The following ASXL2 variants were observed in gnomAD, a reference collection of about 807,000 sequenced individuals.
ASXL2 encodes putative Polycomb group protein ASXL2.
Under a neutral mutation model 122.0 loss-of-function variants are expected in ASXL2, and 23 were observed. That is an observed-to-expected ratio of 0.19 (90% CI 0.14 to 0.27). The LOEUF is 0.27. Ranked by LOEUF, ASXL2 falls within the 10% of genes least tolerant of loss-of-function variation. The pLI, the probability that ASXL2 is intolerant of heterozygous loss-of-function variation, is 1.00. For missense variants in ASXL2, 1,518 were observed against 1,713.8 expected (o/e 0.89, Z 2.02); for synonymous variants, 650 against 637.0 (o/e 1.02, Z -0.31).
intron 5 of ASXL2, among the ~76,000 whole-genome samples, chr2:25,780,581 G>A: frequency 6.6e-6 from 1 of 152,124 alleles, no homozygotes; most frequent in African/African-American, 2.4e-5. Context: ...CTGAAGTGAG[G>A]CCCAGGAATC....
intron 6 of ASXL2, among the ~76,000 whole-genome samples, chr2:25,769,303 A>C (rs1574406426): frequency 6.6e-6 from 1 of 152,342 alleles, no homozygotes; most frequent in East Asian, 1.9e-4. Context: ...CCCTATCTGC[A>C]TCAAACCTAT....
intron 5 of ASXL2, among the ~76,000 whole-genome samples, chr2:25,776,601 T>C (rs2088550594): frequency 6.6e-6 from 1 of 152,248 alleles, no homozygotes; most frequent in Non-Finnish European, 1.5e-5. Context: ...GGATGCACTA[T>C]TTTTACAATT....
intron 12 of ASXL2, among the ~76,000 whole-genome samples, chr2:25,747,206 G>A (rs2087956728): frequency 6.6e-6 from 1 of 152,154 alleles, no homozygotes; most frequent in Non-Finnish European, 1.5e-5. Flanking sequence ...ACAGAGGGCT[G>A]ACTGTATAGG....
At chr2:25,756,280 T>A (rs969095049) in intron 9 of ASXL2, among the ~76,000 whole-genome samples, 166 bp from the exon 10 acceptor site, 2 of 151,880 alleles carry the variant, frequency 1.3e-5, no homozygotes, top group Non-Finnish European at 2.9e-5. Flanking sequence ...TAATGTAATA[T>A]CACTTTGTTC....
chr2:25,762,237 C>G (rs1230849756), intron 8 of ASXL2, among the ~76,000 whole-genome samples: 1 of 137,010 alleles, frequency 7.3e-6, no homozygotes, highest in African/African-American at 2.8e-5. Context: ...TCACTAACCA[C>G]TAAAAGAGAA....
intron 5 of ASXL2, among the ~76,000 whole-genome samples, chr2:25,783,084 G>T (rs1212777858): frequency 6.6e-6 from 1 of 152,088 alleles, no homozygotes; most frequent in African/African-American, 2.4e-5. Context: ...AGCCAAGATC[G>T]TACCACTGCA....
intron 5 of ASXL2, among the ~76,000 whole-genome samples, chr2:25,779,774 T>C (rs1478624566): frequency 6.6e-6 from 1 of 152,208 alleles, no homozygotes; most frequent in African/African-American, 2.4e-5. Flanking sequence ...ACTATATTAC[T>C]CTATAGAAAA....
At chr2:25,773,805 T>A (rs2088502039) in intron 5 of ASXL2, among the ~76,000 whole-genome samples, 2 of 151,388 alleles carry the variant, frequency 1.3e-5, no homozygotes, top group African/African-American at 4.9e-5. Context: ...CCGAGGCAGG[T>A]GGAACACTTG....
intron 1 of ASXL2, among the ~76,000 whole-genome samples, chr2:25,856,251 T>A (rs2089775501): frequency 6.6e-6 from 1 of 150,946 alleles, no homozygotes; most frequent in Non-Finnish European, 1.5e-5. Context: ...GAGATGGGGT[T>A]TCACCATGTC....
intron 3 of ASXL2, among the ~76,000 whole-genome samples, chr2:25,829,163 A>G (rs2089418006): frequency 1.3e-5 from 2 of 152,036 alleles, no homozygotes; most frequent in South Asian, 4.1e-4. Context: ...TACAGAAGCT[A>G]TGGTGGGAGA....
At chr2:25,813,157 A>C (rs2089192628) in intron 3 of ASXL2, among the ~76,000 whole-genome samples, 2 of 152,210 alleles carry the variant, frequency 1.3e-5, no homozygotes, top group African/African-American at 4.8e-5. Context: ...TGTTTAGGGC[A>C]GTAAACTAGG....
chr2:25,777,923 A>T (rs2088574628), intron 5 of ASXL2, among the ~76,000 whole-genome samples: 1 of 152,230 alleles, frequency 6.6e-6, no homozygotes, highest in Non-Finnish European at 1.5e-5. Flanking sequence ...TTTTAAGGCT[A>T]TATATATTTA....
intron 5 of ASXL2, among the ~76,000 whole-genome samples, chr2:25,790,301 T>C (rs573503802): frequency 1.9e-5 from 2 of 106,318 alleles, no homozygotes; most frequent in Admixed American, 1.3e-4. Context: ...GTGGTGGTGA[T>C]ATGAGTCGCA....
In ASXL2 at chr2:25,771,559, C is replaced by T. The variant is rs2088456571; in HGVS notation, c.404-19G>A. ...GACGATACTAGGGAAAAAAAAGTGA[C>T]AATAAAAGATTTTTGTTAACAGAGA... is the stretch of plus-strand genomic sequence containing the variant. On this transcript the variant is annotated intron_variant, in intron 5 of 12. Coordinates refer to ENST00000435504, the MANE Select transcript of ASXL2 (RefSeq NM_018263.6). 6.3e-7 allele frequency: 1 copy of T among 1,591,250 alleles called. No individual in the cohort carries two copies. Among genetic ancestry groups the T allele is most frequent in the Non-Finnish European group, 8.6e-7 (1 of 1,162,426 alleles).
chr2:25,847,362 T>C (rs2089660839), intron 1 of ASXL2, among the ~76,000 whole-genome samples: 1 of 152,242 alleles, frequency 6.6e-6, no homozygotes, highest in African/African-American at 2.4e-5. Flanking sequence ...TCTTTGTAGA[T>C]GTCTTTTTCT....
At chr2:25,778,186 A>G (rs569121525) in intron 5 of ASXL2, among the ~76,000 whole-genome samples, 1 of 152,320 alleles carries the variant, frequency 6.6e-6, no homozygotes, top group Non-Finnish European at 1.5e-5. Flanking sequence ...TTGGGAAAAG[A>G]GCCTTGGTAG....
chr2:25,854,037 A>G (rs2089749023), intron 1 of ASXL2, among the ~76,000 whole-genome samples: 1 of 152,210 alleles, frequency 6.6e-6, no homozygotes, highest in Non-Finnish European at 1.5e-5. Context: ...AAACCTATAC[A>G]GAGAGGCACC....
intron 1 of ASXL2, among the ~76,000 whole-genome samples, chr2:25,863,425 G>A (rs1447212505): frequency 1.3e-5 from 2 of 152,092 alleles, no homozygotes; most frequent in East Asian, 3.9e-4. Context: ...AGGCACAGTG[G>A]CTCACACCTG....
At chr2:25,759,315 T>C (rs1230035610) in intron 9 of ASXL2, among the ~76,000 whole-genome samples, 167 bp downstream of exon 9, 2 of 152,170 alleles carry the variant, frequency 1.3e-5, no homozygotes, top group Non-Finnish European at 1.5e-5. Context: ...AATTCTGTCA[T>C]CTTGAAATTC....
Sources: allele counts gnomAD v4.1 joint callset (sites outside exome capture counted in the v4.1 genomes callset), GRCh38; gene constraint gnomAD v4.1.1; transcripts MANE v1.5; gene names NCBI Gene and HGNC (gene_info 2026-07-23, HGNC 2026-07-21).